STK3: variants seen among roughly 807,000 people sequenced by gnomAD.
STK3 encodes the protein serine/threonine kinase 3.
Under a neutral mutation model 58.0 loss-of-function variants are expected in STK3, and 41 were observed. The observed-to-expected ratio is 0.71, with a 90% CI of 0.55 to 0.92. STK3 has a LOEUF of 0.92. STK3 is among the 40% of genes least tolerant of loss of function. STK3 has a pLI of 0.00. For missense variants in STK3, 479 were observed against 602.7 expected (o/e 0.79, Z 2.15); for synonymous variants, 170 against 191.0 (o/e 0.89, Z 0.91).
intron 8 of STK3, among the ~76,000 whole-genome samples, chr8:98,566,737 T>C (rs1251079873): frequency 6.6e-6 from 1 of 152,124 alleles, no homozygotes; most frequent in African/African-American, 2.4e-5. Context: ...ACAGGTCCTC[T>C]GGGCTGAAAA....
intron 8 of STK3, among the ~76,000 whole-genome samples, chr8:98,550,994 C>A (rs1811122640): frequency 6.6e-6 from 1 of 152,150 alleles, no homozygotes; most frequent in South Asian, 2.1e-4. Context: ...CTTCTATGGA[C>A]CAATCCTATT....
chr8:98,618,564 C>A (rs1316109272), intron 6 of STK3, among the ~76,000 whole-genome samples: 2 of 148,510 alleles, frequency 1.3e-5, no homozygotes, highest in East Asian at 4.0e-4. Flanking sequence ...TCTAGAAAAC[C>A]CCATTGTCTC....
At chr8:98,825,439 G>C in intron 1 of STK3, 76 bp downstream of exon 1, 1 of 1,344,954 alleles carries the variant, frequency 7.4e-7, no homozygotes, top group Non-Finnish European at 9.7e-7. Flanking sequence ...GCTCGCAGCA[G>C]GGCCTGGCCT....
intron 1 of STK3, among the ~76,000 whole-genome samples, chr8:98,892,395 T>C (rs1183154263): frequency 6.6e-6 from 1 of 152,242 alleles, no homozygotes; most frequent in African/African-American, 2.4e-5. Flanking sequence ...GATGCAGATC[T>C]GATTATGACA....
At chr8:98,463,727 A>T (rs1820197948) in intron 10 of STK3, among the ~76,000 whole-genome samples, 1 of 152,124 alleles carries the variant, frequency 6.6e-6, no homozygotes, top group East Asian at 1.9e-4. Flanking sequence ...TCTGGGGAAA[A>T]ACACTAAGAT....
chr8:98,611,401 T>C (rs1235550408), intron 6 of STK3, among the ~76,000 whole-genome samples: 2 of 151,490 alleles, frequency 1.3e-5, no homozygotes, highest in African/African-American at 4.9e-5. Context: ...AAAAAAACAA[T>C]AGATCTCAGA....
intron 1 of STK3, among the ~76,000 whole-genome samples, chr8:98,912,982 C>T (rs1161513229): frequency 6.6e-6 from 1 of 152,164 alleles, no homozygotes; most frequent in Non-Finnish European, 1.5e-5. Context: ...GATCTTGCCT[C>T]ATGCAGCCTC....
intron 3 of STK3, among the ~76,000 whole-genome samples, chr8:98,852,516 A>T (rs1836511823): frequency 1.3e-5 from 2 of 152,156 alleles, no homozygotes; most frequent in Admixed American, 1.3e-4. Flanking sequence ...CAAATAATCA[A>T]TCTATCCCTA....
In STK3 at chr8:98,754,808, CA is replaced by C. The variant is rs371421829; in HGVS notation, c.237-5419del. ...TATAGGTGTGAACCACCATGCCCGC[CA>C]AAAAAAAATTCTTTAAATATGAATG... is the stretch of plus-strand genomic sequence containing the variant. On this transcript the variant is annotated intron_variant, in intron 3 of 10. Coordinates refer to ENST00000419617, the MANE Select transcript of STK3 (RefSeq NM_006281.4). Among the ~76,000 whole-genome samples the C allele has an allele frequency of 8.7e-3, 1,303 of 150,068 alleles. 10 individuals are homozygous for C. The highest frequency in any genetic ancestry group is 0.03 in the African/African-American group (1,225 of 40,960).
intron 6 of STK3, among the ~76,000 whole-genome samples, chr8:98,630,573 G>A (rs1819106264): frequency 6.6e-6 from 1 of 152,088 alleles, no homozygotes; most frequent in Non-Finnish European, 1.5e-5. Flanking sequence ...AGCCTGGGAG[G>A]TCAGGGCTAC....
intron 1 of STK3, among the ~76,000 whole-genome samples, chr8:98,935,394 G>A (rs1840160218): frequency 6.6e-6 from 1 of 152,136 alleles, no homozygotes; most frequent in Non-Finnish European, 1.5e-5. Context: ...TGTTAATTTG[G>A]ATTTTCTGAT....
chr8:98,668,190 T>C (rs1023659881), intron 6 of STK3, among the ~76,000 whole-genome samples: 1 of 152,206 alleles, frequency 6.6e-6, no homozygotes, highest in African/African-American at 2.4e-5. Flanking sequence ...GGATTCTAGA[T>C]ACAGGTAAGA....
chr8:98,858,323 T>TATATATATATATATATATAG (rs1189807446), intron 3 of STK3, among the ~76,000 whole-genome samples: 3 of 16,276 alleles, frequency 1.8e-4, no homozygotes, highest in Admixed American at 1.1e-3. Context: ...TATATATATA[T>TATATATATATATATATATAG]AGAGAGAGAG....
rs1044285541 is a variant in STK3, at chr8:98,716,912, C to A, written c.352-9601G>T. Reference sequence around the variant, plus strand: ...TTTCAACAAGAGTGTCAAGAACATTCAATAGGAAATGAACAGTATTTTCAA... The same window carrying A: ...TTTCAACAAGAGTGTCAAGAACATTAAATAGGAAATGAACAGTATTTTCAA... On this transcript the variant is annotated intron_variant, in intron 4 of 10. Transcript: ENST00000419617. Among the ~76,000 whole-genome samples, 3 of 151,916 alleles carry A rather than the reference C, an allele frequency of 2.0e-5. No individual in the cohort carries two copies. In the South Asian group the frequency reaches 6.2e-4, roughly 32 times the overall value.
chr8:98,537,455 A>G (rs1809859022), intron 9 of STK3, among the ~76,000 whole-genome samples: 1 of 152,184 alleles, frequency 6.6e-6, no homozygotes, highest in South Asian at 2.1e-4. Context: ...TGTTCACAGA[A>G]GTGGGACAGA....
At chr8:98,452,566 T>C (rs1436474955), downstream of STK3, among the ~76,000 whole-genome samples, 1 of 152,186 alleles carries the variant, frequency 6.6e-6, no homozygotes, top group Non-Finnish European at 1.5e-5. Context: ...AAACCCTGAT[T>C]CACTAGCTTC....
At chr8:98,505,457 TG>T (rs1282028696) in intron 10 of STK3, among the ~76,000 whole-genome samples, 1 of 152,216 alleles carries the variant, frequency 6.6e-6, no homozygotes, top group Non-Finnish European at 1.5e-5. Flanking sequence ...GCCATCCTTT[TG>T]GGGAGAAGAG....
intron 6 of STK3, among the ~76,000 whole-genome samples, chr8:98,609,769 G>A (rs1817045718): frequency 6.6e-6 from 1 of 151,972 alleles, no homozygotes; most frequent in African/African-American, 2.4e-5. Flanking sequence ...GACCATCCTG[G>A]CTAACACAGT....
At position 98,455,815 on chromosome 8, in the gene STK3, T is replaced by C; in HGVS notation, c.*27A>G. On this transcript the variant is annotated 3_prime_UTR_variant, in exon 11 of 11. Transcript: ENST00000419617. The stretch of plus-strand genomic sequence containing the variant: ...CCTAGTGGTTTCTTGGTCTCCAGAA[T>C]AGTTAAAAACAGAGAGGAAATTAGA... 6.2e-7 allele frequency: 1 copy of C among 1,611,874 alleles called. No homozygotes were observed.
Sources: gnomAD v4.1 joint callset for allele counts (sites outside exome capture counted in the v4.1 genomes callset) on GRCh38, gnomAD v4.1.1 for gene constraint, MANE v1.5 for transcripts, NCBI Gene and HGNC (gene_info 2026-07-23, HGNC 2026-07-21) for gene names.